The following PCDHA10 variants were observed in gnomAD, a reference collection of about 807,000 sequenced individuals.
PCDHA10 encodes protocadherin alpha-10.
PCDHA10 carries 45 observed loss-of-function variants against 61.2 expected under a neutral mutation model. That is an observed-to-expected ratio of 0.74 (90% CI 0.58 to 0.94). PCDHA10 has a LOEUF of 0.94. Among genes scored for constraint, PCDHA10 ranks in the 40% least tolerant of loss-of-function variants. The pLI is 0.00. For synonymous variants in PCDHA10, 602 were observed against 548.8 expected (o/e 1.10, Z -1.35); for missense variants, 1,278 against 1,236.2 (o/e 1.03, Z -0.51).
chr5:141,003,074 G>A (rs941146075), intron 3 of PCDHA10, among the ~76,000 whole-genome samples: 2 of 152,224 alleles, frequency 1.3e-5, no homozygotes, highest in Non-Finnish European at 2.9e-5. Flanking sequence ...GCAGATGAGG[G>A]TGAGTTTAAC....
chr5:140,868,252 T>C (rs1186054905), intron 1 of PCDHA10: 1 of 152,134 alleles, frequency 6.6e-6, no homozygotes. Context: ...AGACTTTTCC[T>C]TTGTGGATTC....
chr5:140,969,454 A>T, intron 1 of PCDHA10: 1 of 1,511,824 alleles, frequency 6.6e-7, no homozygotes. Flanking sequence ...AACTGAGTAT[A>T]TATAGTATCC....
At chr5:140,966,707 A>T in intron 1 of PCDHA10, 2 of 1,379,868 alleles carry the variant, frequency 1.4e-6, no homozygotes, top group Non-Finnish European at 9.3e-7. Flanking sequence ...GGCGTGGGGC[A>T]CGGCTGGGGA....
At chr5:140,895,038 C>G (rs1554186328) in intron 1 of PCDHA10, among the ~76,000 whole-genome samples, 1 of 152,104 alleles carries the variant, frequency 6.6e-6, no homozygotes, top group African/African-American at 2.4e-5. Context: ...TGTCCCCCAC[C>G]CACACCATTC....
chr5:140,970,651 T>C (rs1191146950), intron 1 of PCDHA10, among the ~76,000 whole-genome samples: 4 of 152,226 alleles, frequency 2.6e-5, no homozygotes, highest in Non-Finnish European at 5.9e-5. Flanking sequence ...TAGTGATGAA[T>C]TGTTATCTTT....
At chr5:140,866,161 G>A (rs782713244) in intron 1 of PCDHA10, 17 of 152,170 alleles carry the variant, frequency 1.1e-4, no homozygotes, top group East Asian at 1.9e-4. Context: ...AGTAAGAATC[G>A]TTTAACATGT....
At chr5:140,960,131 C>T (rs781965980) in intron 1 of PCDHA10, among the ~76,000 whole-genome samples, 11 of 152,114 alleles carry the variant, frequency 7.2e-5, no homozygotes, top group African/African-American at 9.7e-5. Context: ...TTATGAAATA[C>T]TTAGATATTA....
chr5:140,951,889 G>A (rs2094649080), intron 1 of PCDHA10, among the ~76,000 whole-genome samples: 1 of 152,142 alleles, frequency 6.6e-6, no homozygotes, highest in Non-Finnish European at 1.5e-5. Flanking sequence ...ACTCTCTTCT[G>A]CCTATGAGCC....
intron 1 of PCDHA10, among the ~76,000 whole-genome samples, chr5:140,907,450 T>C (rs1235040607): frequency 1.1e-4 from 17 of 152,218 alleles, no homozygotes; most frequent in Non-Finnish European, 2.5e-4. Context: ...CAGATGGTAA[T>C]CTTGGCAGAA....
At chr5:140,899,252 C>T (rs1219703479) in intron 1 of PCDHA10, among the ~76,000 whole-genome samples, 1 of 152,142 alleles carries the variant, frequency 6.6e-6, no homozygotes, top group Non-Finnish European at 1.5e-5. Context: ...TGAGAGAGGG[C>T]ATCCCTGTCT....
At chr5:141,008,568 T>C (rs1430525508) in intron 3 of PCDHA10, among the ~76,000 whole-genome samples, 2 of 152,220 alleles carry the variant, frequency 1.3e-5, no homozygotes, top group African/African-American at 4.8e-5. Flanking sequence ...GCATAATCAT[T>C]TTCCCAAGAC....
At position 140,857,971 on chromosome 5, in the gene PCDHA10, G is replaced by A; in HGVS notation, c.1923G>A (p.Ser641=). The A allele has an allele frequency of 6.3e-7, 1 of 1,596,806 alleles. No homozygotes were observed. The highest frequency in any genetic ancestry group is 8.6e-7 in the Non-Finnish European group (1 of 1,167,180). The change falls in exon 1 of 4, where the codon TCG becomes TCA. Residue 641 remains serine (S), a synonymous_variant. Transcript: ENST00000307360. ...STTRALDETD[S]PRQRLLVLVK... ...CGCGCGCTCTGGATGAGACTGACTC[G>A]CCACGCCAGCGCCTACTGGTGCTGG...
chr5:140,896,854 C>T (rs1211925701), intron 1 of PCDHA10, among the ~76,000 whole-genome samples: 4 of 152,004 alleles, frequency 2.6e-5, no homozygotes, highest in Non-Finnish European at 5.9e-5. Context: ...TTTATGGGTA[C>T]ATAATAAGTG....
At chr5:140,956,142 T>C (rs1416783643) in intron 1 of PCDHA10, among the ~76,000 whole-genome samples, 1 of 152,194 alleles carries the variant, frequency 6.6e-6, no homozygotes, top group East Asian at 1.9e-4. Flanking sequence ...CCTTTATTTC[T>C]TTCTCTTTCC....
At chr5:140,871,293 G>T (rs1206433527) in intron 1 of PCDHA10, 5 of 1,613,794 alleles carry the variant, frequency 3.1e-6, no homozygotes, top group Admixed American at 1.7e-5. Flanking sequence ...CTGAGGGCGC[G>T]TGCGCGCCGG....
intron 1 of PCDHA10, among the ~76,000 whole-genome samples, chr5:140,951,543 C>G (rs246041): frequency 0.56 from 85,284 of 151,440 alleles, 24,613 homozygotes; most frequent in African/African-American, 0.69. Flanking sequence ...GAGCAAGGGA[C>G]GGGGGGAAGT....
At chr5:140,926,583 G>C in intron 1 of PCDHA10, 1 of 279,462 alleles carries the variant, frequency 3.6e-6, no homozygotes, top group Non-Finnish European at 6.6e-6. Context: ...AGCACCTCTC[G>C]CGCCCGGGCG....
Position 141,010,304 on chromosome 5 carries a change from A to C in PCDHA10, c.*367A>C. 1.3e-6 allele frequency: 2 copies of C among 1,548,750 alleles called. No homozygotes were observed. Among genetic ancestry groups the C allele is most frequent in the Non-Finnish European group, 8.7e-7 (1 of 1,146,136 alleles). On this transcript the variant is annotated 3_prime_UTR_variant, in exon 4 of 4. Coordinates refer to ENST00000307360, the MANE Select transcript of PCDHA10 (RefSeq NM_018901.4). ...ATGACACTTGCAGGGCAGGCTGAAA[A>C]GTTTTGAGATTGAGCAGCTTGGGAG...
At chr5:140,924,895 AAAAAAAAAAATAAAATAAAATAAAAT>A (rs1157767234) in intron 1 of PCDHA10, among the ~76,000 whole-genome samples, 8 of 132,230 alleles carry the variant, frequency 6.1e-5, no homozygotes, top group East Asian at 2.1e-4. Flanking sequence ...AACCTGTCTC[AAAAAAAAAAATAAAATAAAATAAAAT>A]AAAATAAAAT....
Sources: gnomAD v4.1 joint callset for allele counts (sites outside exome capture counted in the v4.1 genomes callset) on GRCh38, gnomAD v4.1.1 for gene constraint, MANE v1.5 for transcripts, NCBI Gene and HGNC (gene_info 2026-07-23, HGNC 2026-07-21) for gene names.